The following SPON1 variants were observed in gnomAD, a reference collection of about 807,000 sequenced individuals.
The protein encoded by SPON1 is spondin 1, also known as spondin-1.
In SPON1, 52 loss-of-function variants were observed where a neutral mutation model predicts 111.7. That is an observed-to-expected ratio of 0.47 (90% CI 0.37 to 0.59). The LOEUF is 0.59. Among genes scored for constraint, SPON1 ranks in the 20% least tolerant of loss-of-function variants. The pLI, the probability that SPON1 is intolerant of heterozygous loss-of-function variation, is 0.00. For missense variants in SPON1, 957 were observed against 1,068.5 expected, an observed-to-expected ratio of 0.90 and a Z score of 1.46; for synonymous variants, 410 against 395.8, an observed-to-expected ratio of 1.04 and a Z score of -0.43.
At chr11:14,119,734 G>A (rs958174453) in intron 5 of SPON1, among the ~76,000 whole-genome samples, 2 of 152,100 alleles carry the variant, frequency 1.3e-5, no homozygotes, top group African/African-American at 4.8e-5. Context: ...ACACAATTGT[G>A]AGAGTCCCCC....
At chr11:14,057,496 G>A (rs1488482420) in intron 3 of SPON1, among the ~76,000 whole-genome samples, 2 of 152,114 alleles carry the variant, frequency 1.3e-5, no homozygotes, top group Non-Finnish European at 2.9e-5. Flanking sequence ...TGTGAATAGG[G>A]TTCGAGGATT....
intron 6 of SPON1, among the ~76,000 whole-genome samples, chr11:14,170,611 A>G (rs1311367078): frequency 1.3e-5 from 2 of 151,906 alleles, no homozygotes; most frequent in South Asian, 4.2e-4. Context: ...TTGTCCATTC[A>G]GTATGATATT....
intron 1 of SPON1, among the ~76,000 whole-genome samples, chr11:13,976,851 C>T (rs2133777758): frequency 6.6e-6 from 1 of 152,322 alleles, no homozygotes; most frequent in Middle Eastern, 3.4e-3. Flanking sequence ...ATGTTGCACT[C>T]CCTCCCTTTC....
chr11:14,218,123 C>G (rs1848644209), intron 6 of SPON1, among the ~76,000 whole-genome samples: 2 of 152,164 alleles, frequency 1.3e-5, no homozygotes, highest in Non-Finnish European at 2.9e-5. Flanking sequence ...ATAATTTGTG[C>G]TGAAACAAAT....
intron 2 of SPON1, among the ~76,000 whole-genome samples, chr11:14,024,190 GGTGA>G (rs1848501050): frequency 6.6e-6 from 1 of 152,148 alleles, no homozygotes; most frequent in African/African-American, 2.4e-5. Flanking sequence ...AGTATCTTGG[GGTGA>G]GTGCTTACGA....
chr11:14,126,835 T>A (rs1847465786), intron 5 of SPON1, among the ~76,000 whole-genome samples: 1 of 152,128 alleles, frequency 6.6e-6, no homozygotes, highest in Non-Finnish European at 1.5e-5. Context: ...CCTCCTCTAT[T>A]TACTAGAGGA....
intron 6 of SPON1, among the ~76,000 whole-genome samples, chr11:14,145,484 A>G (rs375312035): frequency 1.2e-4 from 18 of 152,348 alleles, no homozygotes; most frequent in East Asian, 1.2e-3. Flanking sequence ...TCATTAATAT[A>G]TTACCTTAAG....
At chr11:14,223,701 C>T (rs186360668) in intron 6 of SPON1, among the ~76,000 whole-genome samples, 5 of 152,344 alleles carry the variant, frequency 3.3e-5, no homozygotes, top group Admixed American at 2.0e-4. Flanking sequence ...CCCACCCTCA[C>T]GCCCTCCCCT....
chr11:14,113,765 G>C (rs1013031044), intron 5 of SPON1, among the ~76,000 whole-genome samples: 7 of 151,566 alleles, frequency 4.6e-5, no homozygotes, highest in Non-Finnish European at 7.4e-5. Context: ...ACCACGCCCG[G>C]CTAATTTTTT....
intron 6 of SPON1, among the ~76,000 whole-genome samples, chr11:14,170,344 T>G (rs1236590287): frequency 2.6e-5 from 4 of 152,312 alleles, no homozygotes; most frequent in African/African-American, 9.6e-5. Context: ...CACATTGATT[T>G]TGTATCCTGA....
chr11:14,019,967 G>A (rs74663566), intron 2 of SPON1, among the ~76,000 whole-genome samples: 43 of 152,320 alleles, frequency 2.8e-4, no homozygotes, highest in African/African-American at 1.0e-3. Flanking sequence ...TTAGCCAAAA[G>A]CAGGTCACAT....
In SPON1 at chr11:14,135,198, G is replaced by A. The variant is rs562156219; in HGVS notation, c.677-222G>A. The A allele has an allele frequency of 4.0e-5, 18 of 449,254 alleles. No individual in the cohort carries two copies. Among genetic ancestry groups the A allele is most frequent in the African/African-American group, 9.6e-5 (5 of 51,900 alleles). The allele number at this position is 449,254 out of a possible 1,614,324, so 27.8% of individuals were successfully genotyped here. A position where few individuals can be genotyped will look rare whatever the true frequency, so the allele number is the denominator to read the frequency against. On this transcript the variant is annotated intron_variant, in intron 5 of 15. Transcript: ENST00000576479. This position sits in a 1 kb window ranked among gnomAD's most constrained non-coding sequence, Gnocchi z 4.4. ...GAACGCATCTCTGGGCTGCCTCTGC[G>A]TCTTGTTCAACATCTGCTGTTGACC...
intron 1 of SPON1, among the ~76,000 whole-genome samples, chr11:13,969,034 G>A (rs1461323313): frequency 6.6e-6 from 1 of 152,052 alleles, no homozygotes; most frequent in African/African-American, 2.4e-5. Context: ...TCAGTGAAAG[G>A]TCAGCTAGGT....
intron 6 of SPON1, among the ~76,000 whole-genome samples, chr11:14,242,501 G>GC (rs201652315): frequency 4.9e-4 from 74 of 152,270 alleles, no homozygotes; most frequent in African/African-American, 1.8e-3. Context: ...TCTAGGGAAA[G>GC]CCCCCCACCA....
intron 6 of SPON1, among the ~76,000 whole-genome samples, chr11:14,206,598 CAAT>C (rs1385888687): frequency 1.2e-4 from 18 of 152,060 alleles, no homozygotes; most frequent in African/African-American, 3.9e-4. Context: ...TTTTTTCTAA[CAAT>C]AAAAGTGTTC....
intron 5 of SPON1, among the ~76,000 whole-genome samples, chr11:14,098,553 C>T (rs1209811150): frequency 2.0e-5 from 3 of 151,972 alleles, no homozygotes; most frequent in African/African-American, 7.3e-5. Flanking sequence ...ATATTATGCT[C>T]CTGATTTATG....
At chr11:14,232,941 G>A (rs1848819011) in intron 6 of SPON1, among the ~76,000 whole-genome samples, 1 of 152,062 alleles carries the variant, frequency 6.6e-6, no homozygotes, top group Admixed American at 6.6e-5. Context: ...AGAGGTAGTG[G>A]GGTAAGCACA....
At position 14,259,174 on chromosome 11, in the gene SPON1, C is replaced by T; in HGVS notation, c.1493-106C>T. The T allele has an allele frequency of 1.5e-6, 2 of 1,295,196 alleles. No individual in the cohort carries two copies. The highest frequency in any genetic ancestry group is 2.1e-6 in the Non-Finnish European group (2 of 959,924). 80.2% of individuals were successfully genotyped at this position (1,295,196 alleles called of 1,614,324 possible). ...CTCTTAGGTGTGCAGACAACCTCAACTGCCTGACTCCTCTTGATTCCCGCT... is the reference window on the plus strand; with the variant it reads ...CTCTTAGGTGTGCAGACAACCTCAATTGCCTGACTCCTCTTGATTCCCGCT... On this transcript the variant is annotated intron_variant, in intron 11 of 15. Transcript: ENST00000576479. This position sits in a 1 kb window ranked among gnomAD's most constrained non-coding sequence, Gnocchi z 5.0.
intron 5 of SPON1, among the ~76,000 whole-genome samples, chr11:14,095,636 C>G (rs781908123): frequency 6.6e-6 from 1 of 152,128 alleles, no homozygotes; most frequent in Non-Finnish European, 1.5e-5. Flanking sequence ...GCCAATGTCC[C>G]TGGTCAAGCA....
Sources: gnomAD v4.1 joint callset for allele counts (sites outside exome capture counted in the v4.1 genomes callset) on GRCh38, gnomAD v4.1.1 for gene constraint, Gnocchi (gnomAD v3.1) non-coding constraint, MANE v1.5 for transcripts, NCBI Gene and HGNC (gene_info 2026-07-23, HGNC 2026-07-21) for gene names.